The following LPXN variants were observed in gnomAD, a reference collection of about 807,000 sequenced individuals.
The protein encoded by LPXN is leupaxin.
A neutral mutation model predicts 45.6 loss-of-function variants in LPXN; 28 were observed. The observed-to-expected ratio is 0.61, with a 90% CI of 0.45 to 0.84. The LOEUF (loss-of-function observed/expected upper bound fraction) is 0.84, where lower values mean the gene tolerates loss of function less well. Among genes scored for constraint, LPXN ranks in the 40% least tolerant of loss-of-function variants. The pLI, the probability that LPXN is intolerant of heterozygous loss-of-function variation, is 0.00. For missense variants in LPXN, 459 were observed against 475.0 expected, an observed-to-expected ratio of 0.97 and a Z score of 0.31; for synonymous variants, 166 against 169.9, an observed-to-expected ratio of 0.98 and a Z score of 0.18.
intron 7 of LPXN, among the ~76,000 whole-genome samples, chr11:58,547,641 C>T (rs1038466443): frequency 6.6e-6 from 1 of 152,166 alleles, no homozygotes; most frequent in Middle Eastern, 3.2e-3. Flanking sequence ...GGCCATACCC[C>T]TGTCCTCGCC....
Position 58,560,894 on chromosome 11 carries a change from T to A in LPXN, c.218+3261A>T, listed in dbSNP as rs527493270. Among the ~76,000 whole-genome samples the A allele has an allele frequency of 6.6e-5, 10 of 152,372 alleles. No homozygotes were observed. The South Asian group carries it at 2.1e-3, about 32-fold the overall frequency. ...ATAATTTATCAAACTAATAATTTAT[T>A]GCTGGACACCTAGATTGTTTTCTAA... On this transcript the variant is annotated intron_variant, in intron 3 of 8. Coordinates refer to ENST00000395074, the MANE Select transcript of LPXN (RefSeq NM_004811.3).
intron 1 of LPXN, among the ~76,000 whole-genome samples, chr11:58,571,373 AT>A (rs1485022805): frequency 6.6e-6 from 1 of 151,682 alleles, no homozygotes; most frequent in African/African-American, 2.4e-5. Flanking sequence ...AAATAAATAA[AT>A]AAATAAATCC....
chr11:58,546,657 C>G (rs565103639), intron 7 of LPXN, among the ~76,000 whole-genome samples: 4 of 152,104 alleles, frequency 2.6e-5, no homozygotes, highest in African/African-American at 9.7e-5. Context: ...TCAAGTCTAC[C>G]AGTCAACAAT....
intron 7 of LPXN, among the ~76,000 whole-genome samples, chr11:58,533,428 G>A (rs767658449): frequency 5.3e-5 from 8 of 152,084 alleles, no homozygotes; most frequent in African/African-American, 1.4e-4. Flanking sequence ...ACTAAGCTTC[G>A]TAAACAAAAG....
At chr11:58,555,897 G>C (rs1350518496) in intron 3 of LPXN, among the ~76,000 whole-genome samples, 1 of 151,928 alleles carries the variant, frequency 6.6e-6, no homozygotes, top group East Asian at 1.9e-4. Context: ...AAACTTCCAA[G>C]TCAAGAGTCT....
upstream of LPXN, among the ~76,000 whole-genome samples, chr11:58,577,147 AT>A (rs147250060): frequency 1.1e-4 from 16 of 149,530 alleles, no homozygotes; most frequent in East Asian, 2.1e-3. Flanking sequence ...CTGTCTGTAC[AT>A]TTTTTTTTGA....
At chr11:58,559,553 TA>T (rs1439293033) in intron 3 of LPXN, among the ~76,000 whole-genome samples, 2 of 152,062 alleles carry the variant, frequency 1.3e-5, no homozygotes, top group Non-Finnish European at 2.9e-5. Flanking sequence ...ATTGTTAGTG[TA>T]AAAAAGAAAA....
At chr11:58,578,759 G>A (rs1053560456), upstream of LPXN, among the ~76,000 whole-genome samples, 2 of 151,926 alleles carry the variant, frequency 1.3e-5, no homozygotes, top group Non-Finnish European at 2.9e-5. Flanking sequence ...GCGTGAGGCG[G>A]GGAAAGAGGT....
chr11:58,530,522 T>C (rs1318009145), intron 7 of LPXN, among the ~76,000 whole-genome samples: 4 of 152,164 alleles, frequency 2.6e-5, no homozygotes, highest in Non-Finnish European at 4.4e-5. Flanking sequence ...GGGCAGGCCA[T>C]CTCTGAAAAG....
At chr11:58,554,407 C>T (rs916082901) in intron 4 of LPXN, among the ~76,000 whole-genome samples, 5 of 152,124 alleles carry the variant, frequency 3.3e-5, no homozygotes, top group African/African-American at 1.2e-4. Context: ...GCAACTAAAA[C>T]CACCTTTCTT....
At chr11:58,533,012 A>C (rs939315424) in intron 7 of LPXN, among the ~76,000 whole-genome samples, 6 of 151,836 alleles carry the variant, frequency 4.0e-5, no homozygotes, top group Admixed American at 2.6e-4. Context: ...GAGCAACTCC[A>C]GACGCACCGC....
intron 3 of LPXN, among the ~76,000 whole-genome samples, chr11:58,558,761 C>T (rs971078287): frequency 1.9e-4 from 28 of 151,268 alleles, no homozygotes; most frequent in African/African-American, 6.3e-4. Flanking sequence ...CCCCAACACA[C>T]CAAATACATG....
intron 7 of LPXN, among the ~76,000 whole-genome samples, chr11:58,543,081 G>A (rs1853777278): frequency 6.6e-6 from 1 of 152,136 alleles, no homozygotes; most frequent in African/African-American, 2.4e-5. Flanking sequence ...CTCAACCACT[G>A]TGTCTCAAAT....
chr11:58,540,807 T>G (rs1156801786), intron 7 of LPXN, among the ~76,000 whole-genome samples: 2 of 152,182 alleles, frequency 1.3e-5, no homozygotes, highest in Non-Finnish European at 2.9e-5. Flanking sequence ...ACACTGAGAA[T>G]GAGAAACTCA....
chr11:58,548,908 C>A (rs1339125487), intron 7 of LPXN, among the ~76,000 whole-genome samples: 1 of 151,856 alleles, frequency 6.6e-6, no homozygotes, highest in African/African-American at 2.4e-5. Context: ...TCAACATATG[C>A]ACACTTAATA....
At chr11:58,560,830 G>C (rs1445695540) in intron 3 of LPXN, among the ~76,000 whole-genome samples, 1 of 151,154 alleles carries the variant, frequency 6.6e-6, no homozygotes, top group East Asian at 1.9e-4. Context: ...CCAAAATAAT[G>C]TTTAAAGGCT....
At chr11:58,546,065 A>G (rs1340504997) in intron 7 of LPXN, among the ~76,000 whole-genome samples, 1 of 152,194 alleles carries the variant, frequency 6.6e-6, no homozygotes, top group African/African-American at 2.4e-5. Flanking sequence ...TAAATTATAA[A>G]GAGCCATAAG....
chr11:58,552,113 G>C (rs1170825563), intron 4 of LPXN, among the ~76,000 whole-genome samples: 1 of 152,158 alleles, frequency 6.6e-6, no homozygotes, highest in Non-Finnish European at 1.5e-5. Flanking sequence ...AAGGAATCTG[G>C]AGGATCCCTG....
Position 58,549,849 on chromosome 11 carries a change from T to G in LPXN, c.679A>C (p.Asn227His). The G allele has an allele frequency of 6.2e-7, 1 of 1,614,190 alleles. No homozygotes were observed. Among genetic ancestry groups the G allele is most frequent in the South Asian group, 1.1e-5 (1 of 91,074 alleles). ...PILDKVLTAMNQTWHPEHFFC... is the reference protein window; with the variant it reads ...PILDKVLTAMHQTWHPEHFFC... ...AAGTGCTCTGGGTGCCAGGTCTGGT[T>G]CATTGCTGTCAGCACTTTCTGGAAA... Residue 227 changes from asparagine (N) to histidine (H), a missense_variant, in exon 7 of 9, where the codon AAC becomes CAC. Coordinates refer to ENST00000395074, the MANE Select transcript of LPXN (RefSeq NM_004811.3).
Sources: gnomAD v4.1 joint callset for allele counts (sites outside exome capture counted in the v4.1 genomes callset) on GRCh38, gnomAD v4.1.1 for gene constraint, MANE v1.5 for transcripts, NCBI Gene and HGNC (gene_info 2026-07-23, HGNC 2026-07-21) for gene names.